The following TSHZ2 variants were observed in gnomAD, a reference collection of about 807,000 sequenced individuals.
TSHZ2 encodes the protein teashirt homolog 2.
TSHZ2 carries 21 observed loss-of-function variants against 74.4 expected under a neutral mutation model. The ratio of observed to expected loss-of-function variants is 0.28; its 90% CI spans 0.20 to 0.41. The LOEUF (loss-of-function observed/expected upper bound fraction) is 0.41. TSHZ2 is among the 10% of genes least tolerant of loss of function. The pLI is 1.00. For missense variants in TSHZ2, 1,244 were observed against 1,293.5 expected (o/e 0.96, Z 0.59); for synonymous variants, 540 against 515.3 (o/e 1.05, Z -0.65).
At chr20:53,320,218 G>A (rs1979201319) in intron 2 of TSHZ2, among the ~76,000 whole-genome samples, 1 of 152,210 alleles carries the variant, frequency 6.6e-6, no homozygotes, top group Non-Finnish European at 1.5e-5. Context: ...CATCATAGTG[G>A]CTTCTAAGGT....
chr20:53,003,262 G>A (rs1444545220), intron 1 of TSHZ2, among the ~76,000 whole-genome samples: 1 of 141,902 alleles, frequency 7.0e-6, no homozygotes, highest in African/African-American at 2.7e-5. Context: ...GATGGTGTGT[G>A]TGTGTGTGTG....
At chr20:53,282,091 C>G (rs953424667) in intron 2 of TSHZ2, among the ~76,000 whole-genome samples, 4 of 152,190 alleles carry the variant, frequency 2.6e-5, no homozygotes, top group Non-Finnish European at 5.9e-5. Context: ...ATGCATTTCC[C>G]TGTGGCCAGG....
At chr20:53,340,510 A>G (rs923857087) in intron 2 of TSHZ2, among the ~76,000 whole-genome samples, 4 of 152,194 alleles carry the variant, frequency 2.6e-5, no homozygotes, top group Non-Finnish European at 5.9e-5. Context: ...TTTTCAAAAA[A>G]TTATTGCACA....
intron 2 of TSHZ2, among the ~76,000 whole-genome samples, chr20:53,334,974 G>A (rs1255415710): frequency 1.3e-5 from 2 of 152,154 alleles, no homozygotes; most frequent in African/African-American, 2.4e-5. Context: ...GAGCCACCAC[G>A]CCCAGCCAGA....
At chr20:53,411,343 A>C (rs1279977177) in intron 2 of TSHZ2, among the ~76,000 whole-genome samples, 1 of 152,142 alleles carries the variant, frequency 6.6e-6, no homozygotes, top group African/African-American at 2.4e-5. Flanking sequence ...CTAAAATCTA[A>C]GGGCAGCCTG....
intron 1 of TSHZ2, among the ~76,000 whole-genome samples, chr20:53,201,614 G>C (rs958233499): frequency 6.6e-6 from 1 of 152,154 alleles, no homozygotes; most frequent in Non-Finnish European, 1.5e-5. Context: ...GACATTCACA[G>C]GTTCTGGACA....
chr20:53,195,525 G>T (rs1988842899), intron 1 of TSHZ2, among the ~76,000 whole-genome samples: 1 of 152,154 alleles, frequency 6.6e-6, no homozygotes, highest in African/African-American at 2.4e-5. Context: ...CTCAGGACTT[G>T]GATGTTTTCA....
chr20:53,372,958 C>T (rs1159321577), intron 2 of TSHZ2, among the ~76,000 whole-genome samples: 2 of 152,168 alleles, frequency 1.3e-5, no homozygotes, highest in African/African-American at 2.4e-5. Context: ...CTGCCCTTAC[C>T]TTTCCAGCCA....
intron 1 of TSHZ2, among the ~76,000 whole-genome samples, chr20:53,213,394 C>A (rs775432598): frequency 3.9e-5 from 6 of 152,152 alleles, no homozygotes; most frequent in African/African-American, 1.2e-4. Context: ...CACCTGGATG[C>A]TTCGTTACAA....
chr20:52,999,768 C>T (rs545632498), intron 1 of TSHZ2, among the ~76,000 whole-genome samples: 1 of 152,236 alleles, frequency 6.6e-6, no homozygotes, highest in East Asian at 1.9e-4. Flanking sequence ...GGGTGGAAAA[C>T]CAGCATGTGT....
intron 1 of TSHZ2, among the ~76,000 whole-genome samples, chr20:53,180,957 G>A (rs2123509631): frequency 6.6e-6 from 1 of 152,114 alleles, no homozygotes; most frequent in East Asian, 1.9e-4. Flanking sequence ...GGATAGGAGG[G>A]TCTGCCCTTT....
intron 1 of TSHZ2, among the ~76,000 whole-genome samples, chr20:53,140,846 C>T (rs1488903237): frequency 1.3e-5 from 2 of 152,082 alleles, no homozygotes; most frequent in African/African-American, 4.8e-5. Context: ...TAGAATCTGT[C>T]CAGGGAAGGG....
chr20:53,484,850 A>G (rs911593063), intron 2 of TSHZ2, among the ~76,000 whole-genome samples: 5 of 152,130 alleles, frequency 3.3e-5, no homozygotes, highest in Non-Finnish European at 5.9e-5. Context: ...CTTGTGCATC[A>G]TTTCTGTACA....
intron 1 of TSHZ2, among the ~76,000 whole-genome samples, chr20:52,983,356 A>T (rs796805528): frequency 1.3e-5 from 2 of 152,208 alleles, no homozygotes; most frequent in Admixed American, 6.5e-5. Context: ...TCACAAATGA[A>T]TGTTTTTTAT....
At chr20:53,289,745 C>A (rs1991245864) in intron 2 of TSHZ2, among the ~76,000 whole-genome samples, 1 of 152,124 alleles carries the variant, frequency 6.6e-6, no homozygotes. Flanking sequence ...ATGCAAATAT[C>A]TGGGAAGTTG....
At chr20:53,486,082 T>A (rs1386470772) in intron 2 of TSHZ2, among the ~76,000 whole-genome samples, 1 of 152,154 alleles carries the variant, frequency 6.6e-6, no homozygotes, top group Non-Finnish European at 1.5e-5. Flanking sequence ...CTGGCAACCA[T>A]CATTCCTCTT....
At chr20:53,181,836 C>G (rs370656857) in intron 1 of TSHZ2, among the ~76,000 whole-genome samples, 5 of 152,110 alleles carry the variant, frequency 3.3e-5, no homozygotes, top group Admixed American at 3.3e-4. Context: ...TGCAGTGAGC[C>G]AAGATCAAAC....
At chr20:53,301,002 C>A (rs530145409) in intron 2 of TSHZ2, among the ~76,000 whole-genome samples, 1 of 152,212 alleles carries the variant, frequency 6.6e-6, no homozygotes, top group African/African-American at 2.4e-5. Context: ...GTCACCCAGG[C>A]TGGAGGCTGG....
At chr20:53,101,144 T>G (rs1168484445) in intron 1 of TSHZ2, among the ~76,000 whole-genome samples, 3 of 152,220 alleles carry the variant, frequency 2.0e-5, no homozygotes, top group African/African-American at 4.8e-5. Context: ...TGGTCTCTGC[T>G]TTTTCATGTT....
Sources: allele counts gnomAD v4.1 joint callset (sites outside exome capture counted in the v4.1 genomes callset), GRCh38; gene constraint gnomAD v4.1.1; transcripts MANE v1.5; gene names NCBI Gene and HGNC (gene_info 2026-07-23, HGNC 2026-07-21).